The following CFAP54 variants were observed in gnomAD, a reference collection of about 807,000 sequenced individuals.
The protein encoded by CFAP54 is cilia- and flagella-associated protein 54.
A neutral mutation model predicts 370.4 loss-of-function variants in CFAP54; 290 were observed. The observed-to-expected ratio is 0.78, with a 90% CI of 0.71 to 0.86. The LOEUF (loss-of-function observed/expected upper bound fraction) is 0.86, where lower values mean the gene tolerates loss of function less well. Among genes scored for constraint, CFAP54 ranks in the 40% least tolerant of loss-of-function variants. The pLI is 0.00. For missense variants in CFAP54, 3,399 were observed against 3,528.7 expected, an observed-to-expected ratio of 0.96 and a Z score of 0.93; for synonymous variants, 1,206 against 1,236.5, an observed-to-expected ratio of 0.98 and a Z score of 0.52.
intron 67 of CFAP54, among the ~76,000 whole-genome samples, chr12:96,866,526 A>G (rs192341895): frequency 5.3e-5 from 8 of 152,292 alleles, no homozygotes; most frequent in Admixed American, 5.2e-4. Flanking sequence ...GAATAGGTCT[A>G]AAACCAGATT....
At chr12:96,680,957 C>T (rs1269789855) in intron 40 of CFAP54, among the ~76,000 whole-genome samples, 1 of 152,106 alleles carries the variant, frequency 6.6e-6, no homozygotes, top group Non-Finnish European at 1.5e-5. Context: ...GTGGCGTGCA[C>T]CTGTAATTCC....
chr12:96,738,697 G>A (rs552824984), intron 50 of CFAP54, among the ~76,000 whole-genome samples: 97 of 143,022 alleles, frequency 6.8e-4, no homozygotes, highest in South Asian at 3.6e-3. Context: ...TGCAACCTCC[G>A]CCTCCTGGAT....
intron 55 of CFAP54, among the ~76,000 whole-genome samples, chr12:96,752,140 C>T (rs570667656): frequency 2.8e-5 from 2 of 70,666 alleles, no homozygotes; most frequent in Non-Finnish European, 6.6e-5. Flanking sequence ...GAGATTGAGG[C>T]TGTCCATCAT....
At chr12:96,606,601 T>C (rs1592878037) in intron 26 of CFAP54, among the ~76,000 whole-genome samples, 1 of 152,228 alleles carries the variant, frequency 6.6e-6, no homozygotes, top group African/African-American at 2.4e-5. Context: ...GAATTCTGAA[T>C]AGACAGCAGC....
At chr12:96,735,863 A>T (rs1173203372) in intron 50 of CFAP54, among the ~76,000 whole-genome samples, 1 of 152,230 alleles carries the variant, frequency 6.6e-6, no homozygotes, top group Admixed American at 6.5e-5. Flanking sequence ...AACTGCTATT[A>T]GAATCTAAAC....
At chr12:96,585,013 A>G (rs1005141378) in intron 22 of CFAP54, among the ~76,000 whole-genome samples, 17 of 150,720 alleles carry the variant, frequency 1.1e-4, no homozygotes, top group African/African-American at 3.4e-4. Context: ...ACCCAGTATA[A>G]TAAAGAGTCT....
intron 66 of CFAP54, among the ~76,000 whole-genome samples, chr12:96,840,629 T>TTC (rs2136774468): frequency 6.7e-6 from 1 of 149,976 alleles, no homozygotes; most frequent in East Asian, 1.9e-4. Flanking sequence ...TTTCTTTCTT[T>TTC]TTTTTTTTTT....
intron 17 of CFAP54, among the ~76,000 whole-genome samples, chr12:96,563,525 CA>C (rs1363314554): frequency 6.6e-6 from 1 of 152,198 alleles, no homozygotes; most frequent in Non-Finnish European, 1.5e-5. Context: ...GCTTAATTAG[CA>C]TTTATAATAT....
At chr12:96,785,979 C>A (rs986513972) in intron 61 of CFAP54, among the ~76,000 whole-genome samples, 26 of 152,190 alleles carry the variant, frequency 1.7e-4, no homozygotes, top group Admixed American at 1.2e-3. Flanking sequence ...CATTTACTCA[C>A]CCTTATTGGC....
At position 96,649,917 on chromosome 12, in the gene CFAP54, A is replaced by G. The variant is rs774661273; in HGVS notation, c.4717A>G (p.Asn1573Asp). 1 of 1,600,784 alleles carries G rather than the reference A, an allele frequency of 6.2e-7. No individual in the cohort carries two copies. The highest frequency in any genetic ancestry group is 1.1e-5 in the South Asian group (1 of 88,368). Residue 1573 changes from asparagine to aspartate, a missense_variant, in exon 35 of 68, where the codon AAT (asparagine) becomes GAT (aspartate). Physicochemically the swap from Asn to Asp is conservative, Grantham distance 23. Around this residue, in one of 3 missense-constraint regions of CFAP54, gnomAD observed 2,796 missense variants for 2,869.7 expected, o/e 0.97. Coordinates refer to ENST00000524981, the MANE Select transcript of CFAP54 (RefSeq NM_001306084.2). The part of the protein sequence containing the change: ...SDAEEFSTFI[N>D]SIMSDENMSK... ...TGCTGAAGAATTTTCTACATTTATT[A>G]ATTCCATAATGAGTGATGAAAATAT...
At chr12:96,641,676 G>C (rs373946503) in intron 32 of CFAP54, among the ~76,000 whole-genome samples, 12 of 152,048 alleles carry the variant, frequency 7.9e-5, no homozygotes, top group Admixed American at 2.0e-4. Flanking sequence ...TTGGAACCAA[G>C]CCAAATGTCC....
intron 66 of CFAP54, among the ~76,000 whole-genome samples, chr12:96,851,863 A>G (rs1170532692): frequency 6.6e-6 from 1 of 152,090 alleles, no homozygotes; most frequent in African/African-American, 2.4e-5. Context: ...TTAACATTGT[A>G]TGGGAGTTCT....
At chr12:96,828,242 G>A (rs1234707696) in intron 65 of CFAP54, among the ~76,000 whole-genome samples, 1 of 151,162 alleles carries the variant, frequency 6.6e-6, no homozygotes, top group Non-Finnish European at 1.5e-5. Flanking sequence ...TTTAGGTTTG[G>A]TAGGGAGGTA....
At chr12:96,672,012 T>C (rs1266803249) in intron 39 of CFAP54, among the ~76,000 whole-genome samples, 2 of 149,906 alleles carry the variant, frequency 1.3e-5, no homozygotes, top group Admixed American at 6.6e-5. Flanking sequence ...AAGAAAGAAA[T>C]TGAATAGAGA....
intron 9 of CFAP54, among the ~76,000 whole-genome samples, chr12:96,529,332 T>C (rs1444503025): frequency 6.6e-6 from 1 of 152,234 alleles, no homozygotes; most frequent in Non-Finnish European, 1.5e-5. Context: ...GTCTTTTTAT[T>C]TTATGAATTA....
At chr12:96,671,786 G>T (rs1342377431) in intron 39 of CFAP54, among the ~76,000 whole-genome samples, 5 of 152,172 alleles carry the variant, frequency 3.3e-5, no homozygotes, top group Non-Finnish European at 7.3e-5. Context: ...GCTGGGCGTG[G>T]TGGCAGGCGC....
intron 50 of CFAP54, among the ~76,000 whole-genome samples, chr12:96,728,576 G>T (rs1020276013): frequency 1.2e-3 from 189 of 152,178 alleles, no homozygotes; most frequent in Non-Finnish European, 2.2e-3. Context: ...TTATACATTC[G>T]TCTAAATTTT....
At position 96,584,638 on chromosome 12, in the gene CFAP54, G is replaced by T. The variant is rs907878518; in HGVS notation, c.3075+3533G>T. On this transcript the variant is annotated intron_variant, in intron 22 of 67. Transcript: ENST00000524981. ...GTCATCACTTCATCCTTTGAAATATGTTTTTTTTTTTTATCAATCTCATTA... is the reference window on the plus strand; with the variant it reads ...GTCATCACTTCATCCTTTGAAATATTTTTTTTTTTTTTATCAATCTCATTA... Among the ~76,000 whole-genome samples, 253 of 148,276 alleles carry T rather than the reference G, an allele frequency of 1.7e-3. 1 individual carries two copies. Among genetic ancestry groups the T allele is most frequent in the African/African-American group, 5.9e-3 (237 of 40,400 alleles).
intron 32 of CFAP54, among the ~76,000 whole-genome samples, chr12:96,637,811 A>G (rs1956677281): frequency 6.6e-6 from 1 of 152,228 alleles, no homozygotes; most frequent in African/African-American, 2.4e-5. Context: ...TCAATGATGG[A>G]CTGCATGTAC....
Sources: gnomAD v4.1 joint callset for allele counts (sites outside exome capture counted in the v4.1 genomes callset) on GRCh38, gnomAD v4.1.1 for gene constraint, gnomAD v4.1.1 regional missense constraint, MANE v1.5 for transcripts, NCBI Gene and HGNC (gene_info 2026-07-23, HGNC 2026-07-21) for gene names.